Variants in CCDC172 observed in about 807,000 individuals in gnomAD.
CCDC172 encodes coiled-coil domain-containing protein 172.
A neutral mutation model predicts 38.0 loss-of-function variants in CCDC172; 30 were observed. The ratio of observed to expected loss-of-function variants is 0.79; its 90% CI spans 0.59 to 1.07. The LOEUF is 1.07. CCDC172 is among the 50% of genes least tolerant of loss of function. CCDC172 has a pLI of 0.00. For missense variants in CCDC172, 297 were observed against 290.1 expected (o/e 1.02, Z -0.17); for synonymous variants, 78 against 88.3 (o/e 0.88, Z 0.66).
intron 5 of CCDC172, among the ~76,000 whole-genome samples, chr10:116,349,171 G>C (rs1390181963): frequency 6.6e-6 from 1 of 152,114 alleles, no homozygotes; most frequent in Non-Finnish European, 1.5e-5. Context: ...CAGATGGGAC[G>C]GTCTTGTTGC....
At chr10:116,343,876 T>G (rs966725085) in intron 5 of CCDC172, among the ~76,000 whole-genome samples, 7 of 152,156 alleles carry the variant, frequency 4.6e-5, no homozygotes, top group African/African-American at 1.7e-4. Context: ...TTTTCTGAGG[T>G]TTTAGGAAAG....
intron 3 of CCDC172, among the ~76,000 whole-genome samples, chr10:116,336,373 G>A (rs1844733911): frequency 1.2e-5 from 1 of 85,540 alleles, no homozygotes; most frequent in South Asian, 3.2e-4. Context: ...TAGGAGAGAT[G>A]GCTGGAGAGG....
At chr10:116,325,912 G>T (rs1179540727) in intron 3 of CCDC172, among the ~76,000 whole-genome samples, 1 of 152,194 alleles carries the variant, frequency 6.6e-6, no homozygotes, top group Non-Finnish European at 1.5e-5. Context: ...AAAGAAGCAA[G>T]AGAGTCTGAT....
At position 116,324,929 on chromosome 10, in the gene CCDC172, C is replaced by A. The variant is rs1318742901; in HGVS notation, c.-65-18C>A. 1.8e-6 allele frequency: 2 copies of A among 1,140,806 alleles called. No homozygotes were observed. Among genetic ancestry groups the A allele is most frequent in the East Asian group, 4.7e-5 (2 of 42,180 alleles). The allele number at this position is 1,140,806 out of a possible 1,614,324, so 70.7% of individuals were successfully genotyped here. On this transcript the variant is annotated intron_variant, in intron 1 of 8. Coordinates refer to ENST00000333254, the MANE Select transcript of CCDC172 (RefSeq NM_198515.3). ...GAATGGTTCTAGAAGAATCCATCTT[C>A]TTTATTCTGCTTTCCAGGATCCTCA... is the stretch of plus-strand genomic sequence containing the variant.
At chr10:116,357,509 T>G (rs764291193) in intron 6 of CCDC172, 28 bp downstream of exon 6, 1 of 1,469,494 alleles carries the variant, frequency 6.8e-7, no homozygotes, top group Admixed American at 2.5e-5. Context: ...TAGCTTATTT[T>G]GCTGATAAAT....
intron 6 of CCDC172, 40 bp downstream of exon 6, chr10:116,357,521 T>C (rs746096819): frequency 7.1e-7 from 1 of 1,407,192 alleles, no homozygotes; most frequent in Admixed American, 2.7e-5. Context: ...CTGATAAATA[T>C]AGTTATATAT....
In CCDC172 at chr10:116,340,842, C is replaced by G. The variant is rs1314269670; in HGVS notation, c.274C>G (p.Gln92Glu). The stretch of plus-strand genomic sequence containing the variant: ...TACAAACCATAGGAATATGCTTCTT[C>G]AAACCTTTGTAAGTTTCCAGCCACC... Reference protein sequence around the residue: ...EITNHRNMLLQTFEAIKKQMI... With the variant: ...EITNHRNMLLETFEAIKKQMI... The change falls in exon 4 of 9, where the codon CAA (glutamine) becomes GAA (glutamate). Residue 92 changes from glutamine (Q) to glutamate (E), a missense_variant. Coordinates refer to ENST00000333254, the MANE Select transcript of CCDC172 (RefSeq NM_198515.3). The G allele has an allele frequency of 3.9e-6, 6 of 1,521,988 alleles. No homozygotes were observed. In the African/African-American group the frequency reaches 4.1e-5, roughly 10 times the overall value. The allele number at this position is 1,521,988 out of a possible 1,614,324, so 94.3% of individuals were successfully genotyped here. A position where few individuals can be genotyped will look rare whatever the true frequency, so the allele number is the denominator to read the frequency against.
chr10:116,348,631 A>G (rs1005058882), intron 5 of CCDC172, among the ~76,000 whole-genome samples: 3 of 152,122 alleles, frequency 2.0e-5, no homozygotes, highest in African/African-American at 7.2e-5. Flanking sequence ...TATTATTAAT[A>G]CTGTACTATT....
chr10:116,363,466 A>G (rs1005859603), intron 7 of CCDC172, among the ~76,000 whole-genome samples: 2 of 152,180 alleles, frequency 1.3e-5, no homozygotes, highest in East Asian at 3.8e-4. Flanking sequence ...TTTAAATAGA[A>G]TAATTTTGTG....
intron 7 of CCDC172, among the ~76,000 whole-genome samples, chr10:116,370,482 C>T (rs1333457180): frequency 1.3e-5 from 2 of 151,692 alleles, no homozygotes; most frequent in African/African-American, 4.8e-5. Context: ...TCTCTTTTTC[C>T]CAGTGGTTTG....
At chr10:116,372,428 T>C (rs1245195587) in intron 7 of CCDC172, among the ~76,000 whole-genome samples, 3 of 152,114 alleles carry the variant, frequency 2.0e-5, no homozygotes, top group Admixed American at 6.6e-5. Context: ...ACTTTGATGA[T>C]CCCAGAATGT....
At chr10:116,343,732 A>T (rs1293036346) in intron 5 of CCDC172, among the ~76,000 whole-genome samples, 1 of 152,096 alleles carries the variant, frequency 6.6e-6, no homozygotes, top group East Asian at 1.9e-4. Flanking sequence ...CATTAGGGAA[A>T]AGCCACAACT....
At chr10:116,353,704 G>A (rs1844960243) in intron 5 of CCDC172, among the ~76,000 whole-genome samples, 1 of 152,094 alleles carries the variant, frequency 6.6e-6, no homozygotes, top group African/African-American at 2.4e-5. Flanking sequence ...ATATGTGTTT[G>A]AGTGTAAATA....
At chr10:116,330,033 C>T (rs2134903088) in intron 3 of CCDC172, among the ~76,000 whole-genome samples, 1 of 152,258 alleles carries the variant, frequency 6.6e-6, no homozygotes, top group South Asian at 2.1e-4. Flanking sequence ...TATGAGCTAG[C>T]TATTCTTTTT....
At chr10:116,325,461 A>C in intron 3 of CCDC172, 73 bp downstream of exon 3, 1 of 1,183,566 alleles carries the variant, frequency 8.4e-7, no homozygotes. Context: ...GGGATATTTC[A>C]GTGTTTAACC....
At chr10:116,366,457 GGTTATTT>G (rs1845123955) in intron 7 of CCDC172, among the ~76,000 whole-genome samples, 1 of 151,848 alleles carries the variant, frequency 6.6e-6, no homozygotes, top group South Asian at 2.1e-4. Flanking sequence ...ACAATCTATT[GGTTATTT>G]GTATTTGTTT....
intron 7 of CCDC172, among the ~76,000 whole-genome samples, chr10:116,376,647 T>C (rs1845249456): frequency 6.6e-6 from 1 of 152,218 alleles, no homozygotes; most frequent in African/African-American, 2.4e-5. Flanking sequence ...ATTAGTACAA[T>C]TGTTGGCTCT....
rs200926297 is a variant in CCDC172, at chr10:116,341,993, T to G, written c.283-43T>G. 4 of 1,261,242 alleles carry G rather than the reference T, an allele frequency of 3.2e-6. No homozygotes were observed. The African/African-American group carries it at 6.3e-5, about 20-fold the overall frequency. 78.1% of individuals were successfully genotyped at this position (1,261,242 alleles called of 1,614,324 possible). ...TTAAATAATTAAGGAAAAATATTATTGCAACTAACACCTATATTTGATCTT... is the reference window on the plus strand; with the variant it reads ...TTAAATAATTAAGGAAAAATATTATGGCAACTAACACCTATATTTGATCTT... On this transcript the variant is annotated intron_variant, in intron 4 of 8. Coordinates refer to ENST00000333254, the MANE Select transcript of CCDC172 (RefSeq NM_198515.3).
At chr10:116,339,443 A>G (rs556435358) in intron 3 of CCDC172, among the ~76,000 whole-genome samples, 1 of 152,064 alleles carries the variant, frequency 6.6e-6, no homozygotes, top group Non-Finnish European at 1.5e-5. Flanking sequence ...AAATTTCTAT[A>G]TGATTTTATA....
Sources: gnomAD v4.1 joint callset for allele counts (sites outside exome capture counted in the v4.1 genomes callset) on GRCh38, gnomAD v4.1.1 for gene constraint, MANE v1.5 for transcripts, NCBI Gene and HGNC (gene_info 2026-07-23, HGNC 2026-07-21) for gene names.